The following CMIP variants were observed in gnomAD, a reference collection of about 807,000 sequenced individuals.
CMIP encodes the protein c-Maf inducing protein.
A neutral mutation model predicts 97.3 loss-of-function variants in CMIP; 13 were observed. The ratio of observed to expected loss-of-function variants is 0.13; its 90% CI spans 0.09 to 0.21. CMIP has a LOEUF of 0.21. Ranked by LOEUF, CMIP falls within the 10% of genes least tolerant of loss-of-function variation. CMIP has a pLI of 1.00. For synonymous variants in CMIP, 538 were observed against 436.3 expected, an observed-to-expected ratio of 1.23 and a Z score of -2.91; for missense variants, 847 against 1,024.9, an observed-to-expected ratio of 0.83 and a Z score of 2.37.
intron 3 of CMIP, among the ~76,000 whole-genome samples, chr16:81,640,395 T>C (rs2092290306): frequency 6.6e-6 from 1 of 150,660 alleles, no homozygotes; most frequent in Non-Finnish European, 1.5e-5. Flanking sequence ...TGTGAAATGA[T>C]GGGGCTGGAC....
chr16:81,499,576 T>A (rs1241345327), intron 1 of CMIP, among the ~76,000 whole-genome samples: 1 of 152,204 alleles, frequency 6.6e-6, no homozygotes, highest in Admixed American at 6.5e-5. Context: ...TTGTCATCCA[T>A]CTTCTGGGCT....
chr16:81,668,214 C>G (rs1278247159), intron 7 of CMIP, among the ~76,000 whole-genome samples: 1 of 152,132 alleles, frequency 6.6e-6, no homozygotes, highest in Non-Finnish European at 1.5e-5. Flanking sequence ...TCCAGGCTCC[C>G]CTCCGTGGTC....
intron 1 of CMIP, among the ~76,000 whole-genome samples, chr16:81,511,857 T>G (rs1162974991): frequency 6.6e-6 from 1 of 152,210 alleles, no homozygotes; most frequent in Non-Finnish European, 1.5e-5. Flanking sequence ...CCACTGCACC[T>G]GGCCTCTAGT....
chr16:81,694,105 CT>C lies in CMIP; in HGVS notation c.1530+622del, dbSNP rs555210133. Among the ~76,000 whole-genome samples the C allele has an allele frequency of 5.0e-4, 76 of 152,346 alleles. 1 individual carries two copies. Among genetic ancestry groups the C allele is most frequent in the African/African-American group, 1.8e-3 (76 of 41,598 alleles). On this transcript the variant is annotated intron_variant, in intron 13 of 20. Transcript: ENST00000537098. ...GCTGTGCCCCGGGTCACACACATTCCTTTTCTCATGCCTCACAGCATCCCTG... is the reference window on the plus strand; with the variant it reads ...GCTGTGCCCCGGGTCACACACATTCCTTTCTCATGCCTCACAGCATCCCTG...
chr16:81,510,069 T>C (rs2089781869), intron 1 of CMIP, among the ~76,000 whole-genome samples: 1 of 152,236 alleles, frequency 6.6e-6, no homozygotes, highest in African/African-American at 2.4e-5. Flanking sequence ...GTATCTTTAA[T>C]GGGGCGTTTG....
At chr16:81,601,811 G>A (rs1031329354) in intron 1 of CMIP, among the ~76,000 whole-genome samples, 1 of 152,152 alleles carries the variant, frequency 6.6e-6, no homozygotes, top group Non-Finnish European at 1.5e-5. Context: ...GTCACCTTGC[G>A]GGCACTCAGT....
chr16:81,600,220 G>A (rs1207102789), intron 1 of CMIP, among the ~76,000 whole-genome samples: 1 of 143,736 alleles, frequency 7.0e-6, no homozygotes, highest in East Asian at 2.1e-4. Flanking sequence ...AGGTTGCAGT[G>A]AGCCAAGATC....
intron 1 of CMIP, among the ~76,000 whole-genome samples, chr16:81,449,085 T>G (rs1473551512): frequency 6.6e-6 from 1 of 152,286 alleles, no homozygotes; most frequent in Non-Finnish European, 1.5e-5. Flanking sequence ...CAGAGGGCTT[T>G]GTCTGTAGGC....
chr16:81,506,604 A>G (rs2089713114), intron 1 of CMIP, among the ~76,000 whole-genome samples: 1 of 152,258 alleles, frequency 6.6e-6, no homozygotes, highest in Non-Finnish European at 1.5e-5. Context: ...AAGATGATCA[A>G]GTGGGAAGAA....
At chr16:81,499,042 C>T (rs759364799) in intron 1 of CMIP, among the ~76,000 whole-genome samples, 2 of 152,162 alleles carry the variant, frequency 1.3e-5, no homozygotes, top group South Asian at 2.1e-4. Context: ...CTGTTATTAG[C>T]GCCATTTTAC....
At chr16:81,541,090 C>CTA (rs1414021123) in intron 1 of CMIP, among the ~76,000 whole-genome samples, 6 of 151,452 alleles carry the variant, frequency 4.0e-5, no homozygotes, top group Non-Finnish European at 8.8e-5. Context: ...CAATTATGTA[C>CTA]TATATATATA....
intron 1 of CMIP, among the ~76,000 whole-genome samples, chr16:81,545,187 G>A (rs1020613501): frequency 9.2e-5 from 14 of 152,140 alleles, no homozygotes; most frequent in African/African-American, 3.4e-4. Flanking sequence ...CTCCCTGCAG[G>A]GTGCCTTAGC....
intron 1 of CMIP, among the ~76,000 whole-genome samples, chr16:81,492,814 G>T (rs538719013): frequency 2.0e-5 from 3 of 152,116 alleles, no homozygotes; most frequent in East Asian, 1.9e-4. Flanking sequence ...AAGTTGTCGT[G>T]GGGGGTCGGG....
intron 3 of CMIP, among the ~76,000 whole-genome samples, chr16:81,635,306 G>A (rs2092220293): frequency 6.6e-6 from 1 of 151,982 alleles, no homozygotes; most frequent in Admixed American, 6.6e-5. Flanking sequence ...GGCCAAGCTG[G>A]TGGCCCTGTC....
intron 1 of CMIP, among the ~76,000 whole-genome samples, chr16:81,500,926 CAA>C (rs1409005107): frequency 1.3e-5 from 2 of 152,136 alleles, no homozygotes; most frequent in Non-Finnish European, 1.5e-5. Context: ...GTTGAACTAA[CAA>C]GAGAAGAAAA....
chr16:81,506,974 C>A (rs796862294), intron 1 of CMIP, among the ~76,000 whole-genome samples: 1 of 151,526 alleles, frequency 6.6e-6, no homozygotes, highest in Admixed American at 6.6e-5. Flanking sequence ...GATCATCGGC[C>A]GGGCACAGTG....
At chr16:81,604,023 A>G (rs1288684492) in intron 1 of CMIP, among the ~76,000 whole-genome samples, 1 of 152,240 alleles carries the variant, frequency 6.6e-6, no homozygotes, top group Non-Finnish European at 1.5e-5. Flanking sequence ...CCCAAACACA[A>G]GTCTCCTTGG....
chr16:81,484,008 T>G (rs537032686), intron 1 of CMIP, among the ~76,000 whole-genome samples: 1 of 152,346 alleles, frequency 6.6e-6, no homozygotes, highest in African/African-American at 2.4e-5. Context: ...CATTTCAAGC[T>G]TAATAAATTA....
chr16:81,471,950 T>C (rs766663492), intron 1 of CMIP, among the ~76,000 whole-genome samples: 16 of 152,216 alleles, frequency 1.1e-4, no homozygotes, highest in Admixed American at 2.0e-4. Flanking sequence ...CTTTTTAGAC[T>C]GCGGTTGACT....
Sources: gnomAD v4.1 joint callset for allele counts (sites outside exome capture counted in the v4.1 genomes callset) on GRCh38, gnomAD v4.1.1 for gene constraint, MANE v1.5 for transcripts, NCBI Gene and HGNC (gene_info 2026-07-23, HGNC 2026-07-21) for gene names.